Variants in GLCE observed in about 807,000 individuals in gnomAD.
GLCE encodes the protein glucuronic acid epimerase.
Under a neutral mutation model 47.9 loss-of-function variants are expected in GLCE, and 19 were observed. The ratio of observed to expected loss-of-function variants is 0.40; its 90% CI spans 0.28 to 0.58. The LOEUF is 0.58. GLCE is among the 20% of genes least tolerant of loss of function. GLCE has a pLI of 0.48. For missense variants in GLCE, 556 were observed against 743.3 expected (o/e 0.75, Z 2.93); for synonymous variants, 245 against 263.4 (o/e 0.93, Z 0.68).
chr15:69,229,902 AAC>A (rs2052498945), intron 2 of GLCE, among the ~76,000 whole-genome samples: 1 of 151,896 alleles, frequency 6.6e-6, no homozygotes, highest in African/African-American at 2.4e-5. Context: ...TGAATATAAA[AAC>A]ACAGGTTAAT....
intron 1 of GLCE, among the ~76,000 whole-genome samples, chr15:69,181,289 G>A (rs2140340516): frequency 6.6e-6 from 1 of 152,296 alleles, no homozygotes; most frequent in South Asian, 2.1e-4. Context: ...AGAGGTTTAA[G>A]TTTGGGAATT....
intron 2 of GLCE, among the ~76,000 whole-genome samples, chr15:69,252,421 T>C (rs1454983683): frequency 6.6e-6 from 1 of 151,732 alleles, no homozygotes; most frequent in East Asian, 1.9e-4. Flanking sequence ...GCCAAGGGAG[T>C]GTGGGCAATG....
chr15:69,161,557 C>T (rs778268848), intron 1 of GLCE, among the ~76,000 whole-genome samples: 2 of 152,124 alleles, frequency 1.3e-5, no homozygotes, highest in African/African-American at 2.4e-5. Context: ...GCTCCGCAGG[C>T]GCTGGGTCCG....
chr15:69,169,802 A>G (rs1413731323), intron 1 of GLCE, among the ~76,000 whole-genome samples: 2 of 152,136 alleles, frequency 1.3e-5, no homozygotes, highest in South Asian at 2.1e-4. Flanking sequence ...ATTGATGGAC[A>G]TTTGGGTTGG....
At chr15:69,267,611 G>T (rs557252759) in intron 4 of GLCE, among the ~76,000 whole-genome samples, 10 of 152,120 alleles carry the variant, frequency 6.6e-5, no homozygotes, top group Non-Finnish European at 1.3e-4. Context: ...GGCAACCTGG[G>T]TTCAAGTCTT....
At chr15:69,182,269 TTG>T (rs34135980) in intron 1 of GLCE, among the ~76,000 whole-genome samples, 304 of 144,572 alleles carry the variant, frequency 2.1e-3, no homozygotes, top group East Asian at 3.4e-3. Context: ...CATCGTGTAT[TTG>T]TGTGTGTGTG....
intron 1 of GLCE, among the ~76,000 whole-genome samples, chr15:69,207,467 A>G (rs184720918): frequency 6.6e-6 from 1 of 152,086 alleles, no homozygotes; most frequent in East Asian, 1.9e-4. Context: ...GTAGTTTTGC[A>G]TTTTCCATTG....
chr15:69,202,445 AT>A (rs2140364948), intron 1 of GLCE, among the ~76,000 whole-genome samples: 1 of 152,262 alleles, frequency 6.6e-6, no homozygotes, highest in East Asian at 1.9e-4. Flanking sequence ...TATCTTCCTC[AT>A]ATACAATTCT....
chr15:69,264,399 C>T (rs2053057590), intron 4 of GLCE, among the ~76,000 whole-genome samples: 1 of 151,224 alleles, frequency 6.6e-6, no homozygotes, highest in Non-Finnish European at 1.5e-5. Context: ...TGCACGTGCA[C>T]ACACACACAC....
At chr15:69,162,335 T>C (rs532076128) in intron 1 of GLCE, among the ~76,000 whole-genome samples, 2 of 152,036 alleles carry the variant, frequency 1.3e-5, no homozygotes, top group African/African-American at 4.8e-5. Context: ...AAACAGCGTA[T>C]AGGTGAGAAA....
chr15:69,197,355 C>T (rs1595749427), intron 1 of GLCE: 1 of 243,014 alleles, frequency 4.1e-6, no homozygotes, highest in East Asian at 9.8e-5. Context: ...AATCCCAGAT[C>T]ACACATTTTT....
chr15:69,185,224 G>A (rs968952987), intron 1 of GLCE, among the ~76,000 whole-genome samples: 2 of 152,168 alleles, frequency 1.3e-5, no homozygotes, highest in African/African-American at 4.8e-5. Flanking sequence ...AGAGAGTAGA[G>A]CAATTATTAA....
intron 2 of GLCE, among the ~76,000 whole-genome samples, chr15:69,243,597 G>C (rs1476704951): frequency 6.7e-6 from 1 of 148,414 alleles, no homozygotes; most frequent in Non-Finnish European, 1.5e-5. Context: ...AATTTGTGTT[G>C]CATGACATGA....
At chr15:69,184,984 G>A (rs1247969008) in intron 1 of GLCE, among the ~76,000 whole-genome samples, 4 of 152,186 alleles carry the variant, frequency 2.6e-5, no homozygotes, top group African/African-American at 9.7e-5. Context: ...CAGTGAGGAT[G>A]GATCCACCAT....
intron 2 of GLCE, among the ~76,000 whole-genome samples, chr15:69,231,363 A>G (rs983535692): frequency 6.7e-6 from 1 of 149,898 alleles, no homozygotes; most frequent in African/African-American, 2.5e-5. Flanking sequence ...GCCTCACTGT[A>G]AACTCCACCT....
intron 2 of GLCE, among the ~76,000 whole-genome samples, chr15:69,216,427 C>A (rs1003200040): frequency 6.6e-6 from 1 of 152,038 alleles, no homozygotes; most frequent in Admixed American, 6.6e-5. Flanking sequence ...ACTTGGGCTA[C>A]TTTATATAAA....
chr15:69,208,751 A>T (rs1378830656), intron 1 of GLCE, among the ~76,000 whole-genome samples: 2 of 152,062 alleles, frequency 1.3e-5, no homozygotes, highest in East Asian at 3.9e-4. Flanking sequence ...CTGATCTATG[A>T]ACACAGGATA....
At chr15:69,233,116 G>A (rs2052547647) in intron 2 of GLCE, among the ~76,000 whole-genome samples, 1 of 152,152 alleles carries the variant, frequency 6.6e-6, no homozygotes, top group African/African-American at 2.4e-5. Context: ...GGCTGAAAGA[G>A]GGCATACTGG....
chr15:69,205,240 A>C (rs2140368371), intron 1 of GLCE, among the ~76,000 whole-genome samples: 1 of 152,132 alleles, frequency 6.6e-6, no homozygotes, highest in Non-Finnish European at 1.5e-5. Flanking sequence ...GGAATAATAG[A>C]GCATGAAGCC....
Sources: allele counts gnomAD v4.1 joint callset (sites outside exome capture counted in the v4.1 genomes callset), GRCh38; gene constraint gnomAD v4.1.1; transcripts MANE v1.5; gene names NCBI Gene and HGNC (gene_info 2026-07-23, HGNC 2026-07-21).